The following NRXN3 variants were observed in gnomAD, a reference collection of about 807,000 sequenced individuals.
The protein encoded by NRXN3 is neurexin III.
In NRXN3, 32 loss-of-function variants were observed where a neutral mutation model predicts 137.6. The ratio of observed to expected loss-of-function variants is 0.23; its 90% CI spans 0.18 to 0.31. NRXN3 has a LOEUF of 0.31. Among genes scored for constraint, NRXN3 ranks in the 10% least tolerant of loss-of-function variants. NRXN3 has a pLI of 1.00. For synonymous variants in NRXN3, 798 were observed against 784.5 expected (o/e 1.02, Z -0.29); for missense variants, 1,574 against 2,062.5 (o/e 0.76, Z 4.59).
At chr14:78,825,213 AAAAAG>A (rs1313902079) in intron 10 of NRXN3, among the ~76,000 whole-genome samples, 4 of 150,612 alleles carry the variant, frequency 2.7e-5, no homozygotes, top group African/African-American at 7.3e-5. Context: ...AAAAAAAAAA[AAAAAG>A]AAAAAGAAAA....
intron 16 of NRXN3, among the ~76,000 whole-genome samples, chr14:79,568,720 G>C (rs2153792574): frequency 6.6e-6 from 1 of 152,280 alleles, no homozygotes; most frequent in South Asian, 2.1e-4. Flanking sequence ...AGCTAGTGAG[G>C]GGAGTAACCC....
At chr14:79,489,070 G>A (rs2096685780) in intron 16 of NRXN3, among the ~76,000 whole-genome samples, 1 of 152,046 alleles carries the variant, frequency 6.6e-6, no homozygotes, top group Non-Finnish European at 1.5e-5. Context: ...CATCATGTTT[G>A]GCACATAGTA....
At chr14:79,817,503 T>C (rs566851974) in intron 20 of NRXN3, among the ~76,000 whole-genome samples, 1 of 152,332 alleles carries the variant, frequency 6.6e-6, no homozygotes, top group East Asian at 1.9e-4. Context: ...TGAAATATAG[T>C]CTTAAGTACT....
chr14:78,781,327 C>T (rs1041886107), intron 8 of NRXN3, among the ~76,000 whole-genome samples: 1 of 152,118 alleles, frequency 6.6e-6, no homozygotes, highest in Non-Finnish European at 1.5e-5. Flanking sequence ...GAATATTGAC[C>T]TATGCCTGTA....
chr14:79,656,824 G>A (rs565194702), intron 16 of NRXN3, among the ~76,000 whole-genome samples: 100 of 152,176 alleles, frequency 6.6e-4, no homozygotes, highest in African/African-American at 2.4e-3. Context: ...CTGGTTGGGT[G>A]CAAAGTTCGC....
intron 1 of NRXN3, among the ~76,000 whole-genome samples, chr14:78,225,974 G>GGTGTGTGTGT (rs71131635): frequency 3.2e-5 from 4 of 123,632 alleles, no homozygotes; most frequent in Non-Finnish European, 6.8e-5. Flanking sequence ...TGTGTGTGTT[G>GGTGTGTGTGT]GTGTGTGTGT....
At chr14:78,923,106 AG>A (rs1416253827) in intron 10 of NRXN3, among the ~76,000 whole-genome samples, 1 of 152,116 alleles carries the variant, frequency 6.6e-6, no homozygotes, top group Non-Finnish European at 1.5e-5. Context: ...TCTTTCTCTG[AG>A]GATCTCTTCA....
intron 15 of NRXN3, chr14:79,249,052 T>G (rs1255915354): frequency 6.6e-6 from 1 of 152,218 alleles, no homozygotes; most frequent in African/African-American, 2.4e-5. Context: ...AGGTTGTACA[T>G]TGACTGTTGT....
At chr14:78,955,236 GA>G (rs2099394790) in intron 10 of NRXN3, among the ~76,000 whole-genome samples, 2 of 152,170 alleles carry the variant, frequency 1.3e-5, no homozygotes, top group African/African-American at 4.8e-5. Flanking sequence ...AACAAAGACA[GA>G]TTTGTTTTTT....
intron 4 of NRXN3, among the ~76,000 whole-genome samples, chr14:78,607,445 C>T (rs2097262341): frequency 6.6e-6 from 1 of 151,688 alleles, no homozygotes; most frequent in Admixed American, 6.6e-5. Context: ...TTCCCTGACA[C>T]AGTGATCTCA....
At chr14:78,885,805 G>A (rs1219107579) in intron 10 of NRXN3, among the ~76,000 whole-genome samples, 3 of 152,014 alleles carry the variant, frequency 2.0e-5, no homozygotes, top group Non-Finnish European at 4.4e-5. Context: ...GTAAACACTA[G>A]CTAATAAACC....
At chr14:79,645,848 C>T (rs997224278) in intron 16 of NRXN3, among the ~76,000 whole-genome samples, 4 of 135,292 alleles carry the variant, frequency 3.0e-5, no homozygotes, top group African/African-American at 9.8e-5. Context: ...CTTTTGGCAA[C>T]AACAGATTTA....
intron 4 of NRXN3, among the ~76,000 whole-genome samples, chr14:78,616,738 T>A (rs1051547453): frequency 5.3e-5 from 8 of 152,242 alleles, no homozygotes; most frequent in African/African-American, 1.9e-4. Context: ...TGTGAGATAA[T>A]GCACTCTGCT....
intron 4 of NRXN3, among the ~76,000 whole-genome samples, chr14:78,476,505 C>T (rs777263920): frequency 6.6e-6 from 1 of 151,912 alleles, no homozygotes; most frequent in Non-Finnish European, 1.5e-5. Flanking sequence ...CCATGAGGGG[C>T]TGGGGTCTGG....
intron 10 of NRXN3, among the ~76,000 whole-genome samples, chr14:78,852,315 AT>A (rs2099044846): frequency 6.6e-6 from 1 of 152,144 alleles, no homozygotes; most frequent in South Asian, 2.1e-4. Context: ...GTGGTTTATT[AT>A]TCTTGTTGCT....
At chr14:78,548,211 T>G (rs2152155826) in intron 4 of NRXN3, among the ~76,000 whole-genome samples, 1 of 152,062 alleles carries the variant, frequency 6.6e-6, no homozygotes, top group East Asian at 1.9e-4. Context: ...TTTAAACAAC[T>G]CTAGTTAAAA....
intron 4 of NRXN3, among the ~76,000 whole-genome samples, chr14:78,596,916 G>T (rs2097161941): frequency 6.6e-6 from 1 of 152,168 alleles, no homozygotes; most frequent in African/African-American, 2.4e-5. Flanking sequence ...AATAGCTCAA[G>T]TGATGGCTAT....
chr14:78,967,467 C>A, intron 13 of NRXN3, 69 bp downstream of exon 13: 3 of 1,139,958 alleles, frequency 2.6e-6, no homozygotes, highest in South Asian at 1.4e-5. Flanking sequence ...TTTCCAGAGG[C>A]AAACCACAGG....
intron 4 of NRXN3, among the ~76,000 whole-genome samples, chr14:78,593,837 A>G (rs1267182916): frequency 1.8e-4 from 27 of 151,994 alleles, no homozygotes; most frequent in Admixed American, 1.8e-3. Flanking sequence ...GGGTGCTGAA[A>G]TCTCTCACCA....
Sources: allele counts gnomAD v4.1 joint callset (sites outside exome capture counted in the v4.1 genomes callset), GRCh38; gene constraint gnomAD v4.1.1; transcripts MANE v1.5; gene names NCBI Gene and HGNC (gene_info 2026-07-23, HGNC 2026-07-21).